SLC35E2B: variants seen among roughly 807,000 people sequenced by gnomAD.
The protein encoded by SLC35E2B is solute carrier family 35, member E2B.
In SLC35E2B, 18 loss-of-function variants were observed where a neutral mutation model predicts 32.4. The ratio of observed to expected loss-of-function variants is 0.56; its 90% CI spans 0.38 to 0.82. The LOEUF (loss-of-function observed/expected upper bound fraction) is 0.82, where lower values mean the gene tolerates loss of function less well. SLC35E2B is among the 40% of genes least tolerant of loss of function. SLC35E2B has a pLI of 0.00. For missense variants in SLC35E2B, 263 were observed against 469.5 expected, an observed-to-expected ratio of 0.56 and a Z score of 4.06; for synonymous variants, 132 against 209.1, an observed-to-expected ratio of 0.63 and a Z score of 3.18.
intron 9 of SLC35E2B, among the ~76,000 whole-genome samples, chr1:1,667,722 A>G (rs6604981): frequency 0.94 from 143,370 of 152,238 alleles, 67,738 homozygotes; most frequent in Middle Eastern, 0.98. Flanking sequence ...ACTAGTCGCA[A>G]CGCCCGACTA....
At position 1,663,748 on chromosome 1, in the gene SLC35E2B, C is replaced by G. The variant is rs553988490; in HGVS notation, c.*2034G>C. 2.3e-5 allele frequency: 16 copies of G among 691,656 alleles called. 2 individuals carry two copies. The South Asian group carries it at 6.9e-4, about 30-fold the overall frequency. 42.8% of individuals were successfully genotyped at this position (691,656 alleles called of 1,614,324 possible). On this transcript the variant is annotated 3_prime_UTR_variant, in exon 10 of 10. Coordinates refer to ENST00000617444, the MANE Select transcript of SLC35E2B (RefSeq NM_001290264.2). ...CCTCCCAAAGTGCTGCGATTAGAGG[C>G]GTGAGCCACCGCACCCAGTCTTCTA...
At chr1:1,677,516 C>T (rs1428726714) in intron 2 of SLC35E2B, among the ~76,000 whole-genome samples, 16 of 145,264 alleles carry the variant, frequency 1.1e-4, no homozygotes, top group East Asian at 8.2e-4. Flanking sequence ...ATTGCTCTGT[C>T]GCCCAGGCTG....
Position 1,671,624 on chromosome 1 carries a change from G to A in SLC35E2B, c.592C>T (p.Leu198=). ...ACTGGGATGAGGGAGAGGTTGACCA[G>A]CAGCCCTGGCGAGAGGACAGCCCCT... is the stretch of plus-strand genomic sequence containing the variant. ...RMILGEYTGL[L]VNLSLIPVMG... The change falls in exon 6 of 10, where the codon CTG becomes TTG. Residue 198 remains leucine (L), a synonymous_variant. Coordinates refer to ENST00000617444, the MANE Select transcript of SLC35E2B (RefSeq NM_001290264.2). 1 of 1,543,638 alleles carries A rather than the reference G, an allele frequency of 6.5e-7. No individual in the cohort carries two copies. Among genetic ancestry groups the A allele is most frequent in the Non-Finnish European group, 8.7e-7 (1 of 1,143,212 alleles).
At chr1:1,686,017 A>ATT (rs144393021) in intron 2 of SLC35E2B, among the ~76,000 whole-genome samples, 1 of 150,478 alleles carries the variant, frequency 6.6e-6, no homozygotes, top group Non-Finnish European at 1.5e-5. Context: ...TTTTCATTTC[A>ATT]TTTTTAGATG....
intron 2 of SLC35E2B, among the ~76,000 whole-genome samples, chr1:1,679,380 C>T (rs74567595): frequency 0.01 from 1,596 of 152,210 alleles, 31 homozygotes; most frequent in African/African-American, 0.036. Flanking sequence ...ATGAGGACCC[C>T]CATTCCCCTT....
At chr1:1,670,736 T>A (rs1407314645) in intron 6 of SLC35E2B, 1 of 152,330 alleles carries the variant, frequency 6.6e-6, no homozygotes, top group African/African-American at 2.4e-5. Context: ...TTATTTTTAC[T>A]TCTGTATTAT....
intron 2 of SLC35E2B, among the ~76,000 whole-genome samples, chr1:1,687,394 T>A (rs1013782580): frequency 4.0e-5 from 6 of 151,836 alleles, no homozygotes; most frequent in African/African-American, 1.4e-4. Flanking sequence ...CTGGGCAATG[T>A]GGCGAAACCC....
chr1:1,665,716 G>A lies in SLC35E2B; in HGVS notation c.*66C>T. On this transcript the variant is annotated 3_prime_UTR_variant, in exon 10 of 10. Coordinates refer to ENST00000617444, the MANE Select transcript of SLC35E2B (RefSeq NM_001290264.2). ...CACCCCAGCAGGGCCATGGAGGAGG[G>A]CGTCCCTGCCCATTTCTGGGGGATG... 6.5e-7 allele frequency: 1 copy of A among 1,526,968 alleles called. No homozygotes were observed. Among genetic ancestry groups the A allele is most frequent in the South Asian group, 1.2e-5 (1 of 82,444 alleles). The allele number at this position is 1,526,968 out of a possible 1,614,324, so 94.6% of individuals were successfully genotyped here. A position where few individuals can be genotyped will look rare whatever the true frequency, so the allele number is the denominator to read the frequency against.
chr1:1,669,895 A>C, intron 7 of SLC35E2B, 159 bp from the exon 8 acceptor site: 3 of 894,776 alleles, frequency 3.4e-6, no homozygotes, highest in Non-Finnish European at 5.4e-6. Flanking sequence ...TGAAAACGCA[A>C]ACGCACACCA....
intron 2 of SLC35E2B, among the ~76,000 whole-genome samples, chr1:1,683,375 C>T (rs370950843): frequency 4.6e-5 from 7 of 152,160 alleles, no homozygotes; most frequent in Admixed American, 2.6e-4. Context: ...GGGGTTCCCA[C>T]GACACCCTCC....
In SLC35E2B at chr1:1,664,297, G is replaced by C. The variant is rs892079386; in HGVS notation, c.*1485C>G. The stretch of plus-strand genomic sequence containing the variant: ...GAGTCAGAATTATTGCTCTGTTTCT[G>C]AATGATTTTATCTTCAGGAGGGGCT... On this transcript the variant is annotated 3_prime_UTR_variant, in exon 10 of 10. Coordinates refer to ENST00000617444, the MANE Select transcript of SLC35E2B (RefSeq NM_001290264.2). The C allele has an allele frequency of 4.5e-6, 4 of 897,374 alleles. No individual in the cohort carries two copies. In the African/African-American group the frequency reaches 7.1e-5, roughly 16 times the overall value. The allele number at this position is 897,374 out of a possible 1,614,324, so 55.6% of individuals were successfully genotyped here. A position where few individuals can be genotyped will look rare whatever the true frequency, so the allele number is the denominator to read the frequency against.
At chr1:1,686,073 T>C (rs1341421136) in intron 2 of SLC35E2B, among the ~76,000 whole-genome samples, 1 of 152,078 alleles carries the variant, frequency 6.6e-6, no homozygotes, top group Non-Finnish European at 1.5e-5. Context: ...GGCACGATCT[T>C]GGCTCACCAC....
intron 2 of SLC35E2B, among the ~76,000 whole-genome samples, chr1:1,678,997 C>T (rs1643876791): frequency 6.6e-6 from 1 of 152,150 alleles, no homozygotes; most frequent in Admixed American, 6.5e-5. Flanking sequence ...AGGGGTGGAG[C>T]TCATGGCAGG....
At chr1:1,667,591 C>G (rs1245094057) in intron 9 of SLC35E2B, among the ~76,000 whole-genome samples, 2 of 152,114 alleles carry the variant, frequency 1.3e-5, no homozygotes, top group Non-Finnish European at 2.9e-5. Context: ...CAGCAATCAG[C>G]TTGAATTCCT....
intron 2 of SLC35E2B, among the ~76,000 whole-genome samples, chr1:1,679,201 G>T (rs763888256): frequency 6.6e-6 from 1 of 152,330 alleles, no homozygotes; most frequent in Admixed American, 6.5e-5. Flanking sequence ...CAGGAGCAAG[G>T]AACAGCACGT....
chr1:1,678,991 G>A (rs150775845), intron 2 of SLC35E2B, among the ~76,000 whole-genome samples: 4 of 152,288 alleles, frequency 2.6e-5, no homozygotes, highest in African/African-American at 9.6e-5. Flanking sequence ...CAAGGCAGGG[G>A]TGGAGCTCAT....
intron 2 of SLC35E2B, among the ~76,000 whole-genome samples, chr1:1,679,149 A>G (rs975571453): frequency 6.6e-6 from 1 of 152,138 alleles, no homozygotes; most frequent in Non-Finnish European, 1.5e-5. Context: ...CTAAAACCAA[A>G]TTCATTTACA....
chr1:1,690,309 T>A (rs201000834), intron 2 of SLC35E2B, among the ~76,000 whole-genome samples: 3,679 of 33,824 alleles, frequency 0.11, 145 homozygotes, highest in South Asian at 0.23. Context: ...CAAAAAAAAA[T>A]ATATATATAT....
At chr1:1,682,390 T>C (rs575168756) in intron 2 of SLC35E2B, among the ~76,000 whole-genome samples, 1 of 152,190 alleles carries the variant, frequency 6.6e-6, no homozygotes, top group East Asian at 1.9e-4. Flanking sequence ...CCTACGTGCC[T>C]GTCAACAGTA....
Sources: gnomAD v4.1 joint callset for allele counts (sites outside exome capture counted in the v4.1 genomes callset) on GRCh38, gnomAD v4.1.1 for gene constraint, MANE v1.5 for transcripts, NCBI Gene and HGNC (gene_info 2026-07-23, HGNC 2026-07-21) for gene names.